The following C1orf21 variants were observed in gnomAD, a reference collection of about 807,000 sequenced individuals.
C1orf21 encodes chromosome 1 open reading frame 21.
A neutral mutation model predicts 18.7 loss-of-function variants in C1orf21; 3 were observed. The observed-to-expected ratio is 0.16, with a 90% CI of 0.07 to 0.42. The LOEUF (loss-of-function observed/expected upper bound fraction) is 0.42. Among genes scored for constraint, C1orf21 ranks in the 10% least tolerant of loss-of-function variants. The probability of loss-of-function intolerance (pLI) is 0.99; values close to 1 mark genes in which losing one functional copy is unlikely to be tolerated. For missense variants in C1orf21, 104 were observed against 143.6 expected (o/e 0.72, Z 1.41); for synonymous variants, 41 against 46.4 (o/e 0.88, Z 0.47).
chr1:184,486,047 C>A (rs542726965), intron 2 of C1orf21, among the ~76,000 whole-genome samples: 20 of 152,268 alleles, frequency 1.3e-4, no homozygotes, highest in African/African-American at 4.6e-4. Context: ...TGAGCTGAGC[C>A]TCAGAAAGGT....
chr1:184,541,087 G>T (rs1658643155), intron 3 of C1orf21, among the ~76,000 whole-genome samples: 1 of 152,116 alleles, frequency 6.6e-6, no homozygotes, highest in South Asian at 2.1e-4. Context: ...ACCAATAAAT[G>T]TACTAAACCC....
chr1:184,514,648 G>C (rs994308579), intron 3 of C1orf21, among the ~76,000 whole-genome samples: 5 of 152,126 alleles, frequency 3.3e-5, no homozygotes, highest in Admixed American at 3.3e-4. Context: ...GTCCACCCTA[G>C]CAGCTGCCCA....
intron 3 of C1orf21, among the ~76,000 whole-genome samples, chr1:184,513,435 A>G (rs1324599722): frequency 6.6e-6 from 1 of 152,256 alleles, no homozygotes; most frequent in Admixed American, 6.5e-5. Context: ...TGTTAGAAAA[A>G]TAGATAAATG....
In C1orf21 at chr1:184,613,692, T is replaced by C. The variant is rs1317180860; in HGVS notation, c.328-5826T>C. 7.9e-5 allele frequency among the ~76,000 whole-genome samples: 12 copies of C among 151,954 alleles called. No homozygotes were observed. The East Asian group carries it at 1.5e-3, about 20-fold the overall frequency. ...GCACTGCTTCCCTCCAAAGCCAGAG[T>C]GTTCACAACCCTTGGATATGGGCCA... On this transcript the variant is annotated intron_variant, in intron 5 of 5. Coordinates refer to ENST00000235307, the MANE Select transcript of C1orf21 (RefSeq NM_030806.4).
At chr1:184,503,894 T>A (rs1188646869) in intron 2 of C1orf21, among the ~76,000 whole-genome samples, 1 of 152,036 alleles carries the variant, frequency 6.6e-6, no homozygotes, top group Non-Finnish European at 1.5e-5. Context: ...AAGTTAAAAA[T>A]TTTCATAGAT....
chr1:184,548,379 TATTCATTC>T (rs60146708), intron 3 of C1orf21, among the ~76,000 whole-genome samples: 25,205 of 150,226 alleles, frequency 0.17, 2,422 homozygotes, highest in East Asian at 0.3. Flanking sequence ...AACTTGCATT[TATTCATTC>T]ATTTTATACC....
chr1:184,429,516 CTG>C lies in C1orf21; in HGVS notation c.-125+42151_-125+42152del, dbSNP rs1461255924. ...GTTTTTGTACGTGTTTCCATGGACA[CTG>C]TGGATGTTATGTTGAGGTGTCTGCT... is the stretch of plus-strand genomic sequence containing the variant. On this transcript the variant is annotated intron_variant, in intron 1 of 5. Coordinates refer to ENST00000235307, the MANE Select transcript of C1orf21 (RefSeq NM_030806.4). Among the ~76,000 whole-genome samples the C allele has an allele frequency of 2.6e-5, 4 of 152,284 alleles. No homozygotes were observed. In the East Asian group the frequency reaches 7.7e-4, roughly 29 times the overall value.
At chr1:184,458,060 T>C (rs1048580275) in intron 1 of C1orf21, among the ~76,000 whole-genome samples, 5 of 152,136 alleles carry the variant, frequency 3.3e-5, no homozygotes, top group African/African-American at 1.2e-4. Flanking sequence ...TCTCTGGGTC[T>C]CATAGTTGGT....
At chr1:184,458,115 C>T (rs759822917) in intron 1 of C1orf21, among the ~76,000 whole-genome samples, 6 of 152,248 alleles carry the variant, frequency 3.9e-5, no homozygotes, top group Non-Finnish European at 7.4e-5. Context: ...CCAAAGCCTA[C>T]GTTCCTTCGC....
chr1:184,581,111 G>A (rs751600977), intron 3 of C1orf21, among the ~76,000 whole-genome samples: 21 of 152,088 alleles, frequency 1.4e-4, no homozygotes, highest in Admixed American at 2.0e-4. Flanking sequence ...TGTGCTGGTC[G>A]TGTAGTGTGT....
At chr1:184,613,379 C>G (rs1380334121) in intron 5 of C1orf21, among the ~76,000 whole-genome samples, 1 of 152,198 alleles carries the variant, frequency 6.6e-6, no homozygotes, top group East Asian at 1.9e-4. Flanking sequence ...TAAATAAATA[C>G]AAATAATGAA....
chr1:184,395,557 T>G (rs1238948119), intron 1 of C1orf21, among the ~76,000 whole-genome samples: 1 of 152,044 alleles, frequency 6.6e-6, no homozygotes, highest in Non-Finnish European at 1.5e-5. Context: ...TAAAAAGGCC[T>G]GGCCCTGCCT....
chr1:184,521,644 A>G (rs1209074709), intron 3 of C1orf21, among the ~76,000 whole-genome samples: 1 of 152,188 alleles, frequency 6.6e-6, no homozygotes, highest in African/African-American at 2.4e-5. Flanking sequence ...TTCTTTTAGG[A>G]TGGTGAAACT....
chr1:184,406,287 A>G (rs1269736873), intron 1 of C1orf21, among the ~76,000 whole-genome samples: 2 of 152,224 alleles, frequency 1.3e-5, no homozygotes, highest in African/African-American at 4.8e-5. Context: ...TTCTACTCCT[A>G]TGTTAAATTA....
intron 1 of C1orf21, among the ~76,000 whole-genome samples, chr1:184,454,688 C>T (rs889347523): frequency 6.6e-6 from 1 of 152,070 alleles, no homozygotes; most frequent in Non-Finnish European, 1.5e-5. Flanking sequence ...CCTGTTCCTG[C>T]CTTCTAGGAC....
At chr1:184,534,531 A>G (rs1658518008) in intron 3 of C1orf21, among the ~76,000 whole-genome samples, 1 of 152,184 alleles carries the variant, frequency 6.6e-6, no homozygotes, top group Non-Finnish European at 1.5e-5. Context: ...ACACTATTAC[A>G]AATTGTGATT....
intron 1 of C1orf21, among the ~76,000 whole-genome samples, chr1:184,444,393 G>A (rs538049418): frequency 2.0e-5 from 3 of 152,206 alleles, no homozygotes; most frequent in South Asian, 2.1e-4. Context: ...TAGTGAATAC[G>A]TCTCATGAGG....
At chr1:184,584,030 T>G (rs1181507734) in intron 3 of C1orf21, among the ~76,000 whole-genome samples, 1 of 152,120 alleles carries the variant, frequency 6.6e-6, no homozygotes, top group East Asian at 1.9e-4. Flanking sequence ...TGGGTCTGCT[T>G]TATCCGAGCT....
At chr1:184,441,523 A>T (rs150130925) in intron 1 of C1orf21, among the ~76,000 whole-genome samples, 2 of 152,320 alleles carry the variant, frequency 1.3e-5, no homozygotes, top group African/African-American at 4.8e-5. Context: ...CCAAAATAGG[A>T]GGGCAGTAGG....
Sources: gnomAD v4.1 joint callset for allele counts (sites outside exome capture counted in the v4.1 genomes callset) on GRCh38, gnomAD v4.1.1 for gene constraint, MANE v1.5 for transcripts, NCBI Gene and HGNC (gene_info 2026-07-23, HGNC 2026-07-21) for gene names.